Variants in CDH13 observed in about 807,000 individuals in gnomAD.
CDH13 encodes cadherin 13.
A neutral mutation model predicts 63.8 loss-of-function variants in CDH13; 24 were observed. That is an observed-to-expected ratio of 0.38 (90% CI 0.27 to 0.53). The LOEUF is 0.53. Among genes scored for constraint, CDH13 ranks in the 20% least tolerant of loss-of-function variants. The probability of loss-of-function intolerance (pLI) is 0.85; values close to 1 mark genes in which losing one functional copy is unlikely to be tolerated. For missense variants in CDH13, 1,049 were observed against 903.1 expected, an observed-to-expected ratio of 1.16 and a Z score of -2.07; for synonymous variants, 503 against 355.3, an observed-to-expected ratio of 1.42 and a Z score of -4.67.
chr16:82,729,333 T>C (rs752170156), intron 1 of CDH13, among the ~76,000 whole-genome samples: 2 of 152,216 alleles, frequency 1.3e-5, no homozygotes, highest in Non-Finnish European at 2.9e-5. Flanking sequence ...GTTATTTCTT[T>C]AATAATAAGA....
intron 3 of CDH13, among the ~76,000 whole-genome samples, chr16:83,085,143 G>A (rs928353628): frequency 6.6e-6 from 1 of 151,846 alleles, no homozygotes; most frequent in Non-Finnish European, 1.5e-5. Context: ...TGGACTTACA[G>A]TTCCACATGG....
chr16:83,044,486 A>C (rs1450167768), intron 3 of CDH13, among the ~76,000 whole-genome samples: 1 of 152,208 alleles, frequency 6.6e-6, no homozygotes, highest in Non-Finnish European at 1.5e-5. Flanking sequence ...TGTGAATAGA[A>C]CCTTTACAAA....
intron 2 of CDH13, among the ~76,000 whole-genome samples, chr16:82,962,171 T>C (rs1398002907): frequency 1.3e-5 from 2 of 152,202 alleles, no homozygotes; most frequent in East Asian, 3.9e-4. Context: ...TATCTGAGCG[T>C]ATCCTAAATT....
intron 5 of CDH13, among the ~76,000 whole-genome samples, chr16:83,222,229 T>C (rs897264537): frequency 6.6e-6 from 1 of 152,256 alleles, no homozygotes; most frequent in Non-Finnish European, 1.5e-5. Flanking sequence ...TGTTCTTTTT[T>C]GAGCCAATTT....
At chr16:83,132,915 C>G (rs915509234) in intron 4 of CDH13, among the ~76,000 whole-genome samples, 3 of 152,182 alleles carry the variant, frequency 2.0e-5, no homozygotes, top group Admixed American at 1.3e-4. Context: ...TAAGCCTTTC[C>G]TATTTCCAAG....
intron 3 of CDH13, among the ~76,000 whole-genome samples, chr16:83,108,711 C>T (rs1301205043): frequency 2.6e-5 from 4 of 152,184 alleles, no homozygotes; most frequent in Non-Finnish European, 4.4e-5. Context: ...GGACCCTTGG[C>T]TGTCTCTTGT....
chr16:82,900,727 A>G (rs2041438730), intron 2 of CDH13, among the ~76,000 whole-genome samples: 1 of 152,126 alleles, frequency 6.6e-6, no homozygotes, highest in Non-Finnish European at 1.5e-5. Context: ...AGCCTGGGAG[A>G]GGCCAGTGCT....
intron 6 of CDH13, among the ~76,000 whole-genome samples, chr16:83,376,679 T>A (rs1041689422): frequency 2.0e-5 from 3 of 152,072 alleles, no homozygotes; most frequent in African/African-American, 7.2e-5. Context: ...ATGCATACTC[T>A]AGAGAGAGTT....
chr16:83,001,231 C>T (rs922417876), intron 2 of CDH13, among the ~76,000 whole-genome samples: 1 of 152,254 alleles, frequency 6.6e-6, no homozygotes, highest in African/African-American at 2.4e-5. Context: ...AAGTAACTTA[C>T]GTTTGCTTCG....
At chr16:83,400,957 A>C (rs1015729578) in intron 6 of CDH13, among the ~76,000 whole-genome samples, 6 of 151,270 alleles carry the variant, frequency 4.0e-5, no homozygotes, top group Admixed American at 1.3e-4. Flanking sequence ...TAATCCAAGC[A>C]CTTTGGCAGA....
At chr16:83,331,112 C>T (rs1242789477) in intron 5 of CDH13, among the ~76,000 whole-genome samples, 1 of 152,174 alleles carries the variant, frequency 6.6e-6, no homozygotes, top group African/African-American at 2.4e-5. Context: ...CTTAAACAAT[C>T]ACACAGCTGA....
intron 5 of CDH13, among the ~76,000 whole-genome samples, chr16:83,276,048 A>G (rs1474724353): frequency 6.6e-6 from 1 of 152,186 alleles, no homozygotes; most frequent in East Asian, 1.9e-4. Context: ...GAACCTGAAC[A>G]CCTAGGCCAA....
intron 3 of CDH13, among the ~76,000 whole-genome samples, chr16:83,070,869 A>C (rs930551433): frequency 1.7e-4 from 21 of 127,100 alleles, no homozygotes; most frequent in Non-Finnish European, 3.0e-4. Context: ...CCCCCCCCCC[A>C]AATATCAATG....
At chr16:83,204,648 C>A (rs866919865) in intron 4 of CDH13, among the ~76,000 whole-genome samples, 5 of 152,148 alleles carry the variant, frequency 3.3e-5, no homozygotes, top group South Asian at 2.1e-4. Context: ...TGTCTCTAAA[C>A]CCTGCTCTGC....
chr16:83,399,023 C>G (rs1437517532), intron 6 of CDH13, among the ~76,000 whole-genome samples: 3 of 152,218 alleles, frequency 2.0e-5, no homozygotes, highest in African/African-American at 7.2e-5. Flanking sequence ...GAAGCTAACA[C>G]TCAAAGCCAT....
intron 2 of CDH13, among the ~76,000 whole-genome samples, chr16:82,887,491 T>C (rs2040931556): frequency 6.6e-6 from 1 of 152,244 alleles, no homozygotes; most frequent in South Asian, 2.1e-4. Context: ...GAATGCAGCC[T>C]GACAGGAAGG....
intron 1 of CDH13, among the ~76,000 whole-genome samples, chr16:82,799,355 C>A (rs976501174): frequency 6.6e-6 from 1 of 152,204 alleles, no homozygotes; most frequent in Non-Finnish European, 1.5e-5. Flanking sequence ...CCCACTTGGA[C>A]TACAAATCAC....
At chr16:82,868,710 C>T (rs1211487395) in intron 2 of CDH13, among the ~76,000 whole-genome samples, 4 of 152,204 alleles carry the variant, frequency 2.6e-5, no homozygotes, top group Admixed American at 6.5e-5. Flanking sequence ...CTCACAGATA[C>T]GTCCTGTTTG....
intron 1 of CDH13, among the ~76,000 whole-genome samples, chr16:82,664,201 C>A (rs1399189597): frequency 3.3e-5 from 5 of 152,236 alleles, no homozygotes; most frequent in Non-Finnish European, 7.3e-5. Flanking sequence ...TTACTTTTCA[C>A]TAAATTGTGC....
Sources: gnomAD v4.1 joint callset for allele counts (sites outside exome capture counted in the v4.1 genomes callset) on GRCh38, gnomAD v4.1.1 for gene constraint, MANE v1.5 for transcripts, NCBI Gene and HGNC (gene_info 2026-07-23, HGNC 2026-07-21) for gene names.